Variants in EPHB1 observed in about 807,000 individuals in gnomAD.
EPHB1 encodes the protein ephrin type-B receptor 1.
Under a neutral mutation model 94.4 loss-of-function variants are expected in EPHB1, and 30 were observed. The ratio of observed to expected loss-of-function variants is 0.32; its 90% CI spans 0.24 to 0.43. The LOEUF (loss-of-function observed/expected upper bound fraction) is 0.43, where lower values mean the gene tolerates loss of function less well. Among genes scored for constraint, EPHB1 ranks in the 20% least tolerant of loss-of-function variants. The pLI, the probability that EPHB1 is intolerant of heterozygous loss-of-function variation, is 1.00. For synonymous variants in EPHB1, 522 were observed against 489.1 expected (o/e 1.07, Z -0.89); for missense variants, 1,055 against 1,308.3 (o/e 0.81, Z 2.99).
chr3:134,931,320 C>T (rs2038898942), intron 2 of EPHB1, among the ~76,000 whole-genome samples: 2 of 152,196 alleles, frequency 1.3e-5, no homozygotes, highest in African/African-American at 4.8e-5. Context: ...GATCAAGAGG[C>T]TTATTTAACT....
At chr3:134,925,997 A>G in intron 2 of EPHB1, 117 bp downstream of exon 2, 1 of 874,150 alleles carries the variant, frequency 1.1e-6, no homozygotes, top group Non-Finnish European at 1.7e-6. Context: ...ACAGGTGTGA[A>G]TGGCTGTGTC....
chr3:135,236,891 G>C (rs1345984177), intron 12 of EPHB1, among the ~76,000 whole-genome samples: 1 of 152,232 alleles, frequency 6.6e-6, no homozygotes, highest in African/African-American at 2.4e-5. Flanking sequence ...AAAGGAATCA[G>C]TCATATGCCT....
chr3:134,874,079 G>C (rs888622434), intron 1 of EPHB1, among the ~76,000 whole-genome samples: 1 of 152,234 alleles, frequency 6.6e-6, no homozygotes, highest in Non-Finnish European at 1.5e-5. Context: ...CAGGGTGGCT[G>C]AGTGGGCCTG....
chr3:135,114,537 TAAAAAAAAAAAAAAA>T (rs56100882), intron 4 of EPHB1, among the ~76,000 whole-genome samples: 2 of 37,218 alleles, frequency 5.4e-5, no homozygotes, highest in African/African-American at 1.1e-4. Flanking sequence ...CTGTCTCTAC[TAAAAAAAAAAAAAAA>T]AAAAAAAAAA....
At chr3:135,199,761 T>C (rs16842795) in intron 11 of EPHB1, among the ~76,000 whole-genome samples, 3,324 of 152,328 alleles carry the variant, frequency 0.022, 143 homozygotes, top group East Asian at 0.19. Context: ...TTTCCAACAA[T>C]TCATGCAATC....
In EPHB1 at chr3:135,061,298, TC is replaced by T. The variant is rs1489733516; in HGVS notation, c.806-45146del. Among the ~76,000 whole-genome samples the T allele has an allele frequency of 4.6e-5, 7 of 151,654 alleles. No individual in the cohort carries two copies. In the East Asian group the frequency reaches 1.2e-3, roughly 25 times the overall value. ...GTCCCCTCCCACCTTTACCCACAAG[TC>T]CCCAAAGTCCGTTGTATCATTCTTA... On this transcript the variant is annotated intron_variant, in intron 3 of 15. Coordinates refer to ENST00000398015, the MANE Select transcript of EPHB1 (RefSeq NM_004441.5).
intron 13 of EPHB1, among the ~76,000 whole-genome samples, chr3:135,243,657 GA>G (rs1943848722): frequency 6.6e-6 from 1 of 152,158 alleles, no homozygotes; most frequent in Non-Finnish European, 1.5e-5. Context: ...TCACTCATCA[GA>G]AACCACCAAG....
chr3:135,188,331 C>T lies in EPHB1; in HGVS notation c.1883-4245C>T, dbSNP rs112391151. ...CCAACATAATGAACCACTGTCTCTA[C>T]TAAAAATACAAAAATTAGCCGGGCG... On this transcript the variant is annotated intron_variant, in intron 10 of 15. Transcript: ENST00000398015. 3.3e-5 allele frequency among the ~76,000 whole-genome samples: 5 copies of T among 151,996 alleles called. 1 individual carries two copies. The highest frequency in any genetic ancestry group is 1.2e-4 in the African/African-American group (5 of 41,468).
intron 1 of EPHB1, among the ~76,000 whole-genome samples, chr3:134,816,923 T>C (rs1391377959): frequency 1.3e-5 from 2 of 151,920 alleles, no homozygotes; most frequent in Admixed American, 1.3e-4. Context: ...CTGGACGAAT[T>C]CCTAGCAGAC....
intron 3 of EPHB1, among the ~76,000 whole-genome samples, chr3:135,099,237 G>A (rs954070813): frequency 6.6e-6 from 1 of 152,122 alleles, no homozygotes; most frequent in Non-Finnish European, 1.5e-5. Flanking sequence ...GCTGGGGAAA[G>A]GGAAATACAA....
At chr3:135,079,347 C>T (rs1471506405) in intron 3 of EPHB1, among the ~76,000 whole-genome samples, 2 of 152,214 alleles carry the variant, frequency 1.3e-5, no homozygotes, top group Non-Finnish European at 2.9e-5. Context: ...CTTCTGCCTT[C>T]ATTCAAACAA....
chr3:135,149,409 G>T (rs1000778743), intron 5 of EPHB1, among the ~76,000 whole-genome samples: 1 of 152,154 alleles, frequency 6.6e-6, no homozygotes, highest in Non-Finnish European at 1.5e-5. Flanking sequence ...TGTATATGGG[G>T]GCAAAAGGGG....
At chr3:134,857,443 C>T (rs547902291) in intron 1 of EPHB1, among the ~76,000 whole-genome samples, 14 of 152,200 alleles carry the variant, frequency 9.2e-5, no homozygotes, top group South Asian at 8.3e-4. Context: ...TTCACCAGGA[C>T]GCGTATGGGC....
intron 1 of EPHB1, among the ~76,000 whole-genome samples, chr3:134,819,824 G>T (rs1378016512): frequency 2.0e-5 from 3 of 152,036 alleles, no homozygotes; most frequent in African/African-American, 7.3e-5. Flanking sequence ...TTTCTAGCCC[G>T]GTCTTGCCTA....
intron 3 of EPHB1, among the ~76,000 whole-genome samples, chr3:135,090,400 T>A (rs1938513331): frequency 6.6e-6 from 1 of 152,260 alleles, no homozygotes; most frequent in Admixed American, 6.5e-5. Context: ...ATAAATCTCA[T>A]GCATATATTC....
At chr3:135,247,837 C>T (rs1400817612) in intron 13 of EPHB1, among the ~76,000 whole-genome samples, 1 of 152,182 alleles carries the variant, frequency 6.6e-6, no homozygotes, top group Non-Finnish European at 1.5e-5. Flanking sequence ...AATCCCTTTC[C>T]TCCCTTTCTC....
At chr3:135,175,486 C>G (rs1941953295) in intron 9 of EPHB1, among the ~76,000 whole-genome samples, 1 of 152,080 alleles carries the variant, frequency 6.6e-6, no homozygotes, top group African/African-American at 2.4e-5. Flanking sequence ...ACTTTGAGGT[C>G]AAAGAACACA....
intron 5 of EPHB1, among the ~76,000 whole-genome samples, chr3:135,152,143 G>A (rs1040596350): frequency 6.6e-6 from 1 of 152,202 alleles, no homozygotes; most frequent in African/African-American, 2.4e-5. Context: ...ATGGTCATGG[G>A]AGAAATATTT....
chr3:134,940,728 T>C (rs1358501573), intron 2 of EPHB1, among the ~76,000 whole-genome samples: 1 of 152,230 alleles, frequency 6.6e-6, no homozygotes, highest in African/African-American at 2.4e-5. Flanking sequence ...TCCTGCTTCT[T>C]AGTAGTTGTT....
Sources: allele counts gnomAD v4.1 joint callset (sites outside exome capture counted in the v4.1 genomes callset), GRCh38; gene constraint gnomAD v4.1.1; transcripts MANE v1.5; gene names NCBI Gene and HGNC (gene_info 2026-07-23, HGNC 2026-07-21).